The following SAPCD2 variants were observed in gnomAD, a reference collection of about 807,000 sequenced individuals.
SAPCD2 encodes suppressor APC domain-containing protein 2.
Under a neutral mutation model 37.8 loss-of-function variants are expected in SAPCD2, and 34 were observed. The observed-to-expected ratio is 0.90, with a 90% CI of 0.68 to 1.20. The LOEUF (loss-of-function observed/expected upper bound fraction) is 1.20, where lower values mean the gene tolerates loss of function less well. Among genes scored for constraint, SAPCD2 ranks in the 50% most tolerant of loss-of-function variants. SAPCD2 has a pLI of 0.00. For synonymous variants in SAPCD2, 275 were observed against 270.3 expected (o/e 1.02, Z -0.17); for missense variants, 572 against 584.7 (o/e 0.98, Z 0.22).
intron 1 of SAPCD2, among the ~76,000 whole-genome samples, chr9:137,069,663 G>A (rs574718918): frequency 2.0e-5 from 3 of 152,326 alleles, no homozygotes; most frequent in East Asian, 3.9e-4. Context: ...TGTGGCAGGA[G>A]AGGGTCTGGC....
intron 1 of SAPCD2, among the ~76,000 whole-genome samples, chr9:137,068,945 C>T (rs555227965): frequency 4.6e-5 from 7 of 152,340 alleles, no homozygotes; most frequent in East Asian, 3.9e-4. Flanking sequence ...CCAGGGCCGC[C>T]GTGGCTCCAA....
rs1832474431 is a variant in SAPCD2, at chr9:137,062,482, C to T, written c.*2177G>A. On this transcript the variant is annotated 3_prime_UTR_variant, in exon 6 of 6. Transcript: ENST00000409687. ...CCTGAGGCCTGGTGTGGGTGTGTTC[C>T]TCTGGGGCAGATTCTCAACTGGGGA... is the stretch of plus-strand genomic sequence containing the variant. 1 of 152,112 alleles carries T rather than the reference C, an allele frequency of 6.6e-6. No homozygotes were observed. The highest frequency in any genetic ancestry group is 2.4e-5 in the African/African-American group (1 of 41,406). The allele number at this position is 152,112 out of a possible 1,614,324, so 9.4% of individuals were successfully genotyped here. A position where few individuals can be genotyped will look rare whatever the true frequency, so the allele number is the denominator to read the frequency against.
chr9:137,066,167 T>G (rs867749261), intron 2 of SAPCD2, 95 bp downstream of exon 2: 1 of 960,514 alleles, frequency 1.0e-6, no homozygotes. Flanking sequence ...ACTTCCGCCA[T>G]GGACTCCCCC....
chr9:137,067,470 C>CAA (rs56931222), intron 1 of SAPCD2, among the ~76,000 whole-genome samples: 3,096 of 134,570 alleles, frequency 0.023, 125 homozygotes, highest in African/African-American at 0.077. Context: ...AACTTTGTCT[C>CAA]AAAAAAAAAA....
chr9:137,070,262 C>G lies in SAPCD2; in HGVS notation c.199G>C (p.Gly67Arg). 6.9e-7 allele frequency: 1 copy of G among 1,449,632 alleles called. No individual in the cohort carries two copies. The highest frequency in any genetic ancestry group is 9.1e-7 in the Non-Finnish European group (1 of 1,102,170). 89.8% of individuals were successfully genotyped at this position (1,449,632 alleles called of 1,614,324 possible). Residue 67 changes from glycine (G) to arginine (R), a missense_variant, in exon 1 of 6, where the codon GGG becomes CGG. Gly to Arg is a moderately radical substitution (Grantham distance 125). Transcript: ENST00000409687. ...QGTDARELPR[G>R]VLEGLRQVAP... ...ACCTGGCGCAAGCCCTCCAGCACCC[C>G]GCGGGGCAGCTCCCGCGCGTCGGTG...
rs750341109 is a variant in SAPCD2, at chr9:137,066,250, G to C, written c.684+12C>G. ...AGATGGAGAGCCCCACAGAGCCCCA[G>C]TCCCTGCTCACCAGGCCGCAGTCCA... is the stretch of plus-strand genomic sequence containing the variant. On this transcript the variant is annotated intron_variant, in intron 2 of 5. Coordinates refer to ENST00000409687, the MANE Select transcript of SAPCD2 (RefSeq NM_178448.4). The C allele has an allele frequency of 5.9e-5, 94 of 1,588,092 alleles. No homozygotes were observed. The highest frequency in any genetic ancestry group is 1.3e-5 in the Non-Finnish European group (15 of 1,168,032).
rs752810673 is a variant in SAPCD2 at position 137,066,268 on chromosome 9, G to A, written c.678C>T (p.Cys226=). Residue 226 remains cysteine, a synonymous_variant, in exon 2 of 6, where the codon TGC becomes TGT. Transcript: ENST00000409687. ...AGCCCCAGTCCCTGCTCACCAGGCCGCAGTCCACGCCGCTGGCGATGGTGT... is the reference window on the plus strand; with the variant it reads ...AGCCCCAGTCCCTGCTCACCAGGCCACAGTCCACGCCGCTGGCGATGGTGT... The part of the protein sequence containing the change: ...RRHTIASGVD[C]GLLKQMKELE... 4.3e-5 allele frequency: 69 copies of A among 1,601,542 alleles called. No homozygotes were observed. In the East Asian group the frequency reaches 7.0e-4, roughly 16 times the overall value.
At chr9:137,068,358 T>C (rs1431331672) in intron 1 of SAPCD2, among the ~76,000 whole-genome samples, 1 of 152,222 alleles carries the variant, frequency 6.6e-6, no homozygotes, top group African/African-American at 2.4e-5. Context: ...AGCAGCGTGC[T>C]GGGTGATGAG....
At position 137,064,550 on chromosome 9, in the gene SAPCD2, C is replaced by T. The variant is rs1832513414; in HGVS notation, c.*109G>A. 2.2e-6 allele frequency: 3 copies of T among 1,334,302 alleles called. No homozygotes were observed. Among genetic ancestry groups the T allele is most frequent in the Non-Finnish European group, 3.1e-6 (3 of 963,644 alleles). 82.7% of individuals were successfully genotyped at this position (1,334,302 alleles called of 1,614,324 possible). On this transcript the variant is annotated 3_prime_UTR_variant, in exon 6 of 6. Transcript: ENST00000409687. ...GGAAGGCGCCCACTCCGGGACTGTG[C>T]CTGGGCCTGCCGGGGGTCTCCAGCC...
At position 137,062,307 on chromosome 9, in the gene SAPCD2, CT is replaced by C. The variant is rs964698022; in HGVS notation, c.*2351del. ...TAAACCTGGATCTCTCATTTTCTTTCTTTCTTTTTTTTTTTTGTAGAGATGG... is the reference window on the plus strand; with the variant it reads ...TAAACCTGGATCTCTCATTTTCTTTCTTCTTTTTTTTTTTTGTAGAGATGG... On this transcript the variant is annotated 3_prime_UTR_variant, in exon 6 of 6. Transcript: ENST00000409687. 4 of 150,246 alleles carry C rather than the reference CT, an allele frequency of 2.7e-5. No homozygotes were observed. Among genetic ancestry groups the C allele is most frequent in the African/African-American group, 7.3e-5 (3 of 40,900 alleles). 9.3% of individuals were successfully genotyped at this position (150,246 alleles called of 1,614,324 possible).
chr9:137,067,548 G>T (rs1197710530), intron 1 of SAPCD2, among the ~76,000 whole-genome samples: 1 of 150,864 alleles, frequency 6.6e-6, no homozygotes, highest in Admixed American at 6.6e-5. Context: ...GGGGCGGGGG[G>T]GGATCAGTTG....
chr9:137,065,044 C>T (rs2131528063), intron 4 of SAPCD2, 34 bp downstream of exon 4: 1 of 1,502,538 alleles, frequency 6.7e-7, no homozygotes, highest in Admixed American at 2.1e-5. Context: ...GGCCTGGGCC[C>T]CAGCGTGGGT....
Position 137,065,092 on chromosome 9 carries a change from C to T in SAPCD2, c.925G>A (p.Ala309Thr), listed in dbSNP as rs1350953711. ...GGTACACTCACCCGGCTGGCACAGG[C>T]TGCAGCCAGCAGCTCCCCCAGGCAC... is the stretch of plus-strand genomic sequence containing the variant. ...ARCLGELLAA[A>T]CASRALPPSS... The change falls in exon 4 of 6, where the codon GCC (alanine) becomes ACC (threonine). Residue 309 changes from alanine (A) to threonine (T), a missense_variant. Transcript: ENST00000409687. 7 of 1,533,416 alleles carry T rather than the reference C, an allele frequency of 4.6e-6. No homozygotes were observed. In the Admixed American group the frequency reaches 6.0e-5, roughly 13 times the overall value. The allele number at this position is 1,533,416 out of a possible 1,614,324, so 95.0% of individuals were successfully genotyped here.
Position 137,069,903 on chromosome 9 carries a change from G to T in SAPCD2, c.558C>A (p.Ser186=). 7.8e-7 allele frequency: 1 copy of T among 1,277,362 alleles called. No individual in the cohort carries two copies. Among genetic ancestry groups the T allele is most frequent in the Non-Finnish European group, 9.9e-7 (1 of 1,010,552 alleles). 79.1% of individuals were successfully genotyped at this position (1,277,362 alleles called of 1,614,324 possible). A position where few individuals can be genotyped will look rare whatever the true frequency, so the allele number is the denominator to read the frequency against. Residue 186 remains serine, a synonymous_variant, in exon 1 of 6, where the codon TCC becomes TCA. Transcript: ENST00000409687. ...RSQSAALEPS[S]SADAGAVACR... is the part of the protein sequence containing the mutation. ...TCCGGAACTCACCTGCGTCCGCGCT[G>T]GAGCTCGGTTCCAGCGCCGCGCTCT...
chr9:137,070,240 T>A lies in SAPCD2; in HGVS notation c.221A>T (p.Gln74Leu). The A allele has an allele frequency of 7.1e-7, 1 of 1,416,692 alleles. No individual in the cohort carries two copies. 87.8% of individuals were successfully genotyped at this position (1,416,692 alleles called of 1,614,324 possible). Residue 74 changes from glutamine (Q) to leucine (L), a missense_variant, in exon 1 of 6, where the codon CAG becomes CTG. By Grantham distance (113) the Gln-to-Leu change is moderately radical (BLOSUM62 -2). Coordinates refer to ENST00000409687, the MANE Select transcript of SAPCD2 (RefSeq NM_178448.4). The part of the protein sequence containing the change: ...LPRGVLEGLR[Q>L]VAPASGYLTF... ...CAGGTAGCCGCTGGCCGGGGCCACC[T>A]GGCGCAAGCCCTCCAGCACCCCGCG... is the stretch of plus-strand genomic sequence containing the variant.
rs1255980338 is a variant in SAPCD2 at position 137,065,625 on chromosome 9, A to G, written c.728T>C (p.Leu243Pro). Residue 243 changes from leucine to proline, a missense_variant, in exon 3 of 6, where the codon CTG becomes CCG. Physicochemically the swap from Leu to Pro is moderately conservative, Grantham distance 98. Transcript: ENST00000409687. ...KELEQEKEVLLQGLEMMARGR... is the reference protein window; with the variant it reads ...KELEQEKEVLPQGLEMMARGR... ...CCGCGCCATCATCTCCAAACCCTGC[A>G]GCAGCACCTCCTTCTCCTGCTCCAG... 1 of 1,609,940 alleles carries G rather than the reference A, an allele frequency of 6.2e-7. No individual in the cohort carries two copies. The highest frequency in any genetic ancestry group is 8.5e-7 in the Non-Finnish European group (1 of 1,177,270).
intron 4 of SAPCD2, 45 bp from the exon 5 acceptor site, chr9:137,065,024 G>A (rs1832523314): frequency 1.3e-6 from 2 of 1,486,980 alleles, no homozygotes; most frequent in Non-Finnish European, 1.8e-6. Context: ...GGGCGGGGAA[G>A]CACTAAACTG....
rs1208586170 is a variant in SAPCD2, at chr9:137,070,335, CCGGT to C, written c.122_125del (p.Asp41GlyfsTer41). 1.4e-6 allele frequency: 2 copies of C among 1,473,686 alleles called. No homozygotes were observed. The highest frequency in any genetic ancestry group is 2.9e-5 in the African/African-American group (2 of 68,450). The allele number at this position is 1,473,686 out of a possible 1,614,324, so 91.3% of individuals were successfully genotyped here. A position where few individuals can be genotyped will look rare whatever the true frequency, so the allele number is the denominator to read the frequency against. ...CGCGCAGGTGCACGCAGCCGCGCCG[CCGGT>C]CGTCCAGGATGTCGAACAGGGTGCG... On this transcript the variant is annotated frameshift_variant, in exon 1 of 6. Transcript: ENST00000409687. LOFTEE classifies it high-confidence loss of function.
chr9:137,064,886 C>G lies in SAPCD2; in HGVS notation c.1033G>C (p.Glu345Gln), dbSNP rs199976241. Residue 345 changes from glutamate (E) to glutamine (Q), a missense_variant, in exon 5 of 6, where the codon GAG becomes CAG. By Grantham distance (29) the Glu-to-Gln change is conservative (BLOSUM62 2). Transcript: ENST00000409687. ...ACCTGGGTGAGGAGTCGGTTCTGCTCCTTCAGCATGAGGATGGTCTGCTGC... is the reference window on the plus strand; with the variant it reads ...ACCTGGGTGAGGAGTCGGTTCTGCTGCTTCAGCATGAGGATGGTCTGCTGC... ...WQQQTILMLK[E>Q]QNRLLTQEVT... The G allele has an allele frequency of 3.2e-6, 5 of 1,562,908 alleles. No homozygotes were observed. In the South Asian group the frequency reaches 5.9e-5, roughly 18 times the overall value.
Sources: gnomAD v4.1 joint callset for allele counts (sites outside exome capture counted in the v4.1 genomes callset) on GRCh38, gnomAD v4.1.1 for gene constraint, MANE v1.5 for transcripts, NCBI Gene and HGNC (gene_info 2026-07-23, HGNC 2026-07-21) for gene names.